The following FGD5 variants were observed in gnomAD, a reference collection of about 807,000 sequenced individuals.
FGD5 encodes the protein FYVE, RhoGEF and PH domain containing 5.
Under a neutral mutation model 133.4 loss-of-function variants are expected in FGD5, and 28 were observed. The ratio of observed to expected loss-of-function variants is 0.21; its 90% CI spans 0.16 to 0.29. The LOEUF (loss-of-function observed/expected upper bound fraction) is 0.29, where lower values mean the gene tolerates loss of function less well. FGD5 is among the 10% of genes least tolerant of loss of function. The pLI is 1.00. For missense variants in FGD5, 1,858 were observed against 1,895.2 expected, an observed-to-expected ratio of 0.98 and a Z score of 0.36; for synonymous variants, 810 against 776.5, an observed-to-expected ratio of 1.04 and a Z score of -0.72.
chr3:14,917,811 A>T lies in FGD5; in HGVS notation c.3489+479A>T, dbSNP rs1231947263. Among the ~76,000 whole-genome samples, 1 of 152,192 alleles carries T rather than the reference A, an allele frequency of 6.6e-6. No individual in the cohort carries two copies. The highest frequency in any genetic ancestry group is 3.2e-3 in the Middle Eastern group (1 of 316). ...CTCCCCAGACTGAAACTCTGCCCAC[A>T]TTAAAAACCAACTCTCCATTCCCCT... is the stretch of plus-strand genomic sequence containing the variant. On this transcript the variant is annotated intron_variant, in intron 12 of 19. Transcript: ENST00000285046. The surrounding 1 kb of genome is among the most constrained non-coding windows in gnomAD (Gnocchi z 4.1).
chr3:14,828,710 T>TA (rs1039057637), intron 1 of FGD5, among the ~76,000 whole-genome samples: 1 of 152,078 alleles, frequency 6.6e-6, no homozygotes, highest in Non-Finnish European at 1.5e-5. Context: ...GAGAGGCAAT[T>TA]AGAGCCTAGG....
chr3:14,867,849 C>T (rs2037527185), intron 2 of FGD5, among the ~76,000 whole-genome samples: 1 of 152,194 alleles, frequency 6.6e-6, no homozygotes, highest in Non-Finnish European at 1.5e-5. Context: ...TTTTCTGTCT[C>T]CACCACCTCA....
In FGD5 at chr3:14,917,195, C is replaced by A; in HGVS notation, c.3406-54C>A. The A allele has an allele frequency of 6.6e-7, 1 of 1,504,676 alleles. No individual in the cohort carries two copies. Among genetic ancestry groups the A allele is most frequent in the Non-Finnish European group, 9.1e-7 (1 of 1,095,718 alleles). The allele number at this position is 1,504,676 out of a possible 1,614,324, so 93.2% of individuals were successfully genotyped here. A position where few individuals can be genotyped will look rare whatever the true frequency, so the allele number is the denominator to read the frequency against. On this transcript the variant is annotated intron_variant, in intron 11 of 19. Transcript: ENST00000285046. The surrounding 1 kb of genome is among the most constrained non-coding windows in gnomAD (Gnocchi z 4.1). ...CTCAGGGATCCTTTGAGGACAGAAGCCTGGCGCAGCCTTCTGGGGCCAGGG... is the reference window on the plus strand; with the variant it reads ...CTCAGGGATCCTTTGAGGACAGAAGACTGGCGCAGCCTTCTGGGGCCAGGG...
In FGD5 at chr3:14,922,981, G is replaced by A; in HGVS notation, c.3808-65G>A. The A allele has an allele frequency of 4.4e-6, 7 of 1,606,794 alleles. No homozygotes were observed. In the Admixed American group the frequency reaches 1.2e-4, roughly 27 times the overall value. Reference sequence around the variant, plus strand: ...GGTGGATTAGCAGAGGGAGCGGAGGGGAGGGGTGCAGGTCTCCTTTGCATG... The same window carrying A: ...GGTGGATTAGCAGAGGGAGCGGAGGAGAGGGGTGCAGGTCTCCTTTGCATG... On this transcript the variant is annotated intron_variant, in intron 15 of 19. Transcript: ENST00000285046. The surrounding 1 kb of genome is among the most constrained non-coding windows in gnomAD (Gnocchi z 4.1).
chr3:14,886,928 T>C (rs2037935985), intron 4 of FGD5, among the ~76,000 whole-genome samples: 1 of 152,242 alleles, frequency 6.6e-6, no homozygotes, highest in African/African-American at 2.4e-5. Context: ...TTAAATTTAC[T>C]TAAATGTATT....
chr3:14,854,841 T>A (rs1050464938), intron 1 of FGD5, among the ~76,000 whole-genome samples: 1 of 152,244 alleles, frequency 6.6e-6, no homozygotes, highest in African/African-American at 2.4e-5. Context: ...ATCTCAAACG[T>A]TGATCATTTC....
At position 14,933,398 on chromosome 3, in the gene FGD5, C is replaced by A; in HGVS notation, c.*231C>A. The A allele has an allele frequency of 1.8e-6, 1 of 555,556 alleles. No homozygotes were observed. The highest frequency in any genetic ancestry group is 1.9e-5 in the African/African-American group (1 of 53,272). The allele number at this position is 555,556 out of a possible 1,614,324, so 34.4% of individuals were successfully genotyped here. A position where few individuals can be genotyped will look rare whatever the true frequency, so the allele number is the denominator to read the frequency against. On this transcript the variant is annotated 3_prime_UTR_variant, in exon 20 of 20. Coordinates refer to ENST00000285046, the MANE Select transcript of FGD5 (RefSeq NM_152536.4). ...CCTTTTCTGTGTTTTCCACCCCTAC[C>A]CCCACCCGCCACCCAGTAATAAACT... is the stretch of plus-strand genomic sequence containing the variant.
intron 2 of FGD5, among the ~76,000 whole-genome samples, chr3:14,866,611 A>G (rs1289916496): frequency 6.6e-6 from 1 of 152,204 alleles, no homozygotes; most frequent in Non-Finnish European, 1.5e-5. Flanking sequence ...GGATAGTAGT[A>G]ATAGTACCTG....
At chr3:14,930,037 G>A (rs1035083578) in intron 18 of FGD5, among the ~76,000 whole-genome samples, 2 of 152,144 alleles carry the variant, frequency 1.3e-5, no homozygotes, top group African/African-American at 4.8e-5. Flanking sequence ...GTATGACATG[G>A]GAGTTGAGGT....
chr3:14,882,454 T>C (rs909741443), intron 4 of FGD5: 2 of 635,716 alleles, frequency 3.1e-6, no homozygotes, highest in African/African-American at 4.0e-5. Flanking sequence ...TCTCAGCACT[T>C]TGGGAGGCCG....
Position 14,819,851 on chromosome 3 carries a change from C to T in FGD5, c.780C>T (p.Ala260=), listed in dbSNP as rs764356398. The T allele has an allele frequency of 1.8e-5, 29 of 1,611,174 alleles. No individual in the cohort carries two copies. Among genetic ancestry groups the T allele is most frequent in the Middle Eastern group, 3.3e-4 (2 of 6,082 alleles). The change falls in exon 1 of 20, where the codon GCC becomes GCT. Residue 260 remains alanine (A), a synonymous_variant. Transcript: ENST00000285046. This position sits in a 1 kb window ranked among gnomAD's most constrained non-coding sequence, Gnocchi z 4.1. ...AGCCCCCTGAGAAGGAGGAGCTGGC[C>T]GGGGTCCAGGAGGCAGAGACAGCCA... The part of the protein sequence containing the change: ...SEEPPEKEEL[A]GVQEAETATD...
rs751323431 is a variant in FGD5 at position 14,819,748 on chromosome 3, C to T, written c.677C>T (p.Pro226Leu). The change falls in exon 1 of 20, where the codon CCA (proline) becomes CTA (leucine). Residue 226 changes from proline (P) to leucine (L), a missense_variant. By Grantham distance (98) the Pro-to-Leu change is moderately conservative. Transcript: ENST00000285046. This position sits in a 1 kb window ranked among gnomAD's most constrained non-coding sequence, Gnocchi z 4.1. ...DDEEGCASTD[P>L]AGADEGSGPD... ...GAGGAAGGCTGTGCCAGCACAGACCCAGCAGGGGCAGATGAGGGTTCGGGT... is the reference window on the plus strand; with the variant it reads ...GAGGAAGGCTGTGCCAGCACAGACCTAGCAGGGGCAGATGAGGGTTCGGGT... The T allele has an allele frequency of 9.1e-6, 14 of 1,537,974 alleles. No homozygotes were observed. In the South Asian group the frequency reaches 1.7e-4, roughly 19 times the overall value.
chr3:14,840,519 C>T (rs138028592), intron 1 of FGD5, among the ~76,000 whole-genome samples: 3 of 151,658 alleles, frequency 2.0e-5, no homozygotes, highest in African/African-American at 7.3e-5. Flanking sequence ...AGTGAGCATA[C>T]TCTTCTGGAT....
chr3:14,900,566 G>A, intron 8 of FGD5, 113 bp downstream of exon 8: 3 of 1,239,436 alleles, frequency 2.4e-6, no homozygotes, highest in South Asian at 2.6e-5. Context: ...CTCCCCACCA[G>A]CTGGGTGGGT....
intron 1 of FGD5, among the ~76,000 whole-genome samples, chr3:14,829,607 C>G (rs769087496): frequency 2.0e-5 from 3 of 152,174 alleles, no homozygotes; most frequent in Non-Finnish European, 4.4e-5. Flanking sequence ...CTTTTACAGT[C>G]TGGTCCCAAA....
chr3:14,835,914 T>C (rs115858673), intron 1 of FGD5, among the ~76,000 whole-genome samples: 1 of 151,958 alleles, frequency 6.6e-6, no homozygotes, highest in East Asian at 1.9e-4. Flanking sequence ...GTACCTGATA[T>C]GAAGAAGGGA....
At chr3:14,929,120 C>G (rs2038862877) in intron 18 of FGD5, among the ~76,000 whole-genome samples, 1 of 152,214 alleles carries the variant, frequency 6.6e-6, no homozygotes, top group Non-Finnish European at 1.5e-5. Flanking sequence ...TCATGTGTGA[C>G]TTCCATTAAC....
rs1053343924 is a variant in FGD5 at position 14,831,986 on chromosome 3, G to C, written c.2525+10390G>C. On this transcript the variant is annotated intron_variant, in intron 1 of 19. Transcript: ENST00000285046. Reference sequence around the variant, plus strand: ...TTCCCAGTGTCACGGTTCTCAGAGTGGTCAGTGATATTTGGTGGACACAGA... The same window carrying C: ...TTCCCAGTGTCACGGTTCTCAGAGTCGTCAGTGATATTTGGTGGACACAGA... Among the ~76,000 whole-genome samples the C allele has an allele frequency of 4.6e-5, 7 of 152,256 alleles. 1 individual carries two copies. In the South Asian group the frequency reaches 1.0e-3, roughly 23 times the overall value.
Position 14,819,921 on chromosome 3 carries a change from G to A in FGD5, c.850G>A (p.Gly284Ser), listed in dbSNP as rs1252809380. ...VLEEGCEEAT[G>S]VTGGEQVDLS... ...TGAGGAGGGATGTGAAGAGGCCACG[G>A]GTGTCACAGGTGGGGAACAGGTTGA... Residue 284 changes from glycine to serine, a missense_variant, in exon 1 of 20, where the codon GGT becomes AGT. Coordinates refer to ENST00000285046, the MANE Select transcript of FGD5 (RefSeq NM_152536.4). The surrounding 1 kb of genome is among the most constrained non-coding windows in gnomAD (Gnocchi z 4.1). 7.4e-6 allele frequency: 12 copies of A among 1,613,778 alleles called. No individual in the cohort carries two copies. The African/African-American group carries it at 1.5e-4, about 20-fold the overall frequency.
Sources: gnomAD v4.1 joint callset for allele counts (sites outside exome capture counted in the v4.1 genomes callset) on GRCh38, gnomAD v4.1.1 for gene constraint, Gnocchi (gnomAD v3.1) non-coding constraint, MANE v1.5 for transcripts, NCBI Gene and HGNC (gene_info 2026-07-23, HGNC 2026-07-21) for gene names.